UGT1A5: variants seen among roughly 807,000 people sequenced by gnomAD.
UGT1A5 encodes the protein UDP glucuronosyltransferase family 1 member A5.
In UGT1A5, 29 loss-of-function variants were observed where a neutral mutation model predicts 40.3. That is an observed-to-expected ratio of 0.72 (90% CI 0.54 to 0.98). The LOEUF is 0.98. UGT1A5 is among the 50% of genes least tolerant of loss of function. The pLI is 0.00. For missense variants in UGT1A5, 678 were observed against 677.9 expected (o/e 1.00, Z 0.00); for synonymous variants, 257 against 262.5 (o/e 0.98, Z 0.20).
Position 233,713,506 on chromosome 2 carries a change from T to C in UGT1A5, c.515T>C (p.Phe172Ser). 1 of 1,613,972 alleles carries C rather than the reference T, an allele frequency of 6.2e-7. No individual in the cohort carries two copies. The highest frequency in any genetic ancestry group is 8.5e-7 in the Non-Finnish European group (1 of 1,179,886). The change falls in exon 1 of 5, where the codon TTC becomes TCC. Residue 172 changes from phenylalanine to serine, a missense_variant. Physicochemically the swap from Phe to Ser is radical, Grantham distance 155. Coordinates refer to ENST00000373414, the MANE Select transcript of UGT1A5 (RefSeq NM_019078.2). ...AKYLSIPAVF[F>S]LRNIPCDLDF... Reference sequence around the variant, plus strand: ...TACCTGTCGATTCCTGCTGTGTTTTTCTTGAGGAACATTCCATGTGATTTA... The same window carrying C: ...TACCTGTCGATTCCTGCTGTGTTTTCCTTGAGGAACATTCCATGTGATTTA...
intron 1 of UGT1A5, chr2:233,747,984 C>G: frequency 6.2e-7 from 1 of 1,613,422 alleles, no homozygotes; most frequent in South Asian, 1.1e-5. Context: ...GTGGCTGTTC[C>G]GAGGGGACTT....
chr2:233,721,853 G>A, intron 1 of UGT1A5: 2 of 512,954 alleles, frequency 3.9e-6, no homozygotes, highest in South Asian at 2.8e-5. Flanking sequence ...CAGCCCCACT[G>A]CTCGGCCCTG....
Position 233,769,302 on chromosome 2 carries a change from T to C in UGT1A5, c.1307+863T>C, listed in dbSNP as rs139674601. 9.5e-4 allele frequency among the ~76,000 whole-genome samples: 145 copies of C among 152,348 alleles called. No homozygotes were observed. The highest frequency in any genetic ancestry group is 3.0e-3 in the African/African-American group (125 of 41,572). Reference sequence around the variant, plus strand: ...TGATTTCTGGATTAAAGTTAGTATATTACTGTCAAGCTCACTGGTAATAGG... The same window carrying C: ...TGATTTCTGGATTAAAGTTAGTATACTACTGTCAAGCTCACTGGTAATAGG... On this transcript the variant is annotated intron_variant, in intron 4 of 4. Transcript: ENST00000373414. This position sits in a 1 kb window ranked among gnomAD's most constrained non-coding sequence, Gnocchi z 4.4.
At chr2:233,753,157 T>C (rs1695143636) in intron 1 of UGT1A5, 2 of 152,228 alleles carry the variant, frequency 1.3e-5, no homozygotes, top group African/African-American at 2.4e-5. Context: ...TAAGTTCCCT[T>C]ATCCGGATCA....
At chr2:233,738,344 C>T (rs187057968) in intron 1 of UGT1A5, among the ~76,000 whole-genome samples, 43 of 152,222 alleles carry the variant, frequency 2.8e-4, no homozygotes, top group African/African-American at 1.0e-3. Flanking sequence ...AAATTGGTGT[C>T]ATGGAGAGTG....
chr2:233,712,949 A>C lies in UGT1A5; in HGVS notation c.-43A>C. The C allele has an allele frequency of 6.2e-7, 1 of 1,612,750 alleles. No individual in the cohort carries two copies. Reference sequence around the variant, plus strand: ...GACGAAGGAAACAATTCTAGGAGGCACAACGTGGGGTGGACAGTCAGCTGT... The same window carrying C: ...GACGAAGGAAACAATTCTAGGAGGCCCAACGTGGGGTGGACAGTCAGCTGT... On this transcript the variant is annotated 5_prime_UTR_variant, in exon 1 of 5. Coordinates refer to ENST00000373414, the MANE Select transcript of UGT1A5 (RefSeq NM_019078.2).
chr2:233,718,752 A>G (rs2076680847), intron 1 of UGT1A5: 6 of 1,612,234 alleles, frequency 3.7e-6, no homozygotes, highest in Non-Finnish European at 5.1e-6. Context: ...AAGGTAATTA[A>G]GGCGAAGGAA....
In UGT1A5 at chr2:233,769,970, G is replaced by A. The variant is rs1018671340; in HGVS notation, c.1307+1531G>A. On this transcript the variant is annotated intron_variant, in intron 4 of 4. Coordinates refer to ENST00000373414, the MANE Select transcript of UGT1A5 (RefSeq NM_019078.2). The surrounding 1 kb of genome is among the most constrained non-coding windows in gnomAD (Gnocchi z 4.4). ...AGCGGCTTCTTCTGGCCACCTCAAT[G>A]TCAGGATGTCCTGCTCACATATCAA... 2.9e-5 allele frequency: 6 copies of A among 208,668 alleles called. No individual in the cohort carries two copies. The highest frequency in any genetic ancestry group is 2.2e-4 in the South Asian group (2 of 9,026). The allele number at this position is 208,668 out of a possible 1,614,324, so 12.9% of individuals were successfully genotyped here.
chr2:233,769,811 T>C lies in UGT1A5; in HGVS notation c.1307+1372T>C. 9.8e-7 allele frequency: 1 copy of C among 1,015,422 alleles called. No individual in the cohort carries two copies. The highest frequency in any genetic ancestry group is 2.2e-5 in the South Asian group (1 of 46,182). The allele number at this position is 1,015,422 out of a possible 1,614,324, so 62.9% of individuals were successfully genotyped here. A position where few individuals can be genotyped will look rare whatever the true frequency, so the allele number is the denominator to read the frequency against. On this transcript the variant is annotated intron_variant, in intron 4 of 4. Transcript: ENST00000373414. This position sits in a 1 kb window ranked among gnomAD's most constrained non-coding sequence, Gnocchi z 4.4. ...TGGAGGCTGCTATGAGCCGTGATCA[T>C]GCCACTGCACTCCAGCAACCTGGGC...
chr2:233,743,499 G>A (rs1692319680), intron 1 of UGT1A5: 1 of 1,367,148 alleles, frequency 7.3e-7, no homozygotes, highest in African/African-American at 1.5e-5. Context: ...CAGAGAAAAG[G>A]GGTGCAGACG....
At chr2:233,743,056 A>G (rs955838724) in intron 1 of UGT1A5, 3 of 325,656 alleles carry the variant, frequency 9.2e-6, no homozygotes, top group African/African-American at 6.5e-5. Context: ...AGTCCCAACG[A>G]TAAGAACAGG....
chr2:233,772,849 C>T lies in UGT1A5; in HGVS notation c.*290C>T, dbSNP rs1021003584. The T allele has an allele frequency of 7.7e-6, 6 of 777,596 alleles. No individual in the cohort carries two copies. In the African/African-American group the frequency reaches 8.9e-5, roughly 11 times the overall value. 48.2% of individuals were successfully genotyped at this position (777,596 alleles called of 1,614,324 possible). On this transcript the variant is annotated 3_prime_UTR_variant, in exon 5 of 5. Transcript: ENST00000373414. ...CTGGCATTCTAGATTACTTTTCTTACTCTGAAACATGGCCTGTTTGGGAGT... is the reference window on the plus strand; with the variant it reads ...CTGGCATTCTAGATTACTTTTCTTATTCTGAAACATGGCCTGTTTGGGAGT...
intron 1 of UGT1A5, chr2:233,719,336 T>C (rs765059694): frequency 5.0e-6 from 8 of 1,613,838 alleles, no homozygotes; most frequent in South Asian, 2.2e-5. Context: ...CTGTGTTTTT[T>C]TGGAGGTACA....
rs1700541312 is a variant in UGT1A5 at position 233,772,678 on chromosome 2, A to T, written c.*119A>T. On this transcript the variant is annotated 3_prime_UTR_variant, in exon 5 of 5. Transcript: ENST00000373414. ...TTAAGGAAATACTTTGCATAAATTA[A>T]TCAGCCCCAGAGTGCTTTAAAAAAT... The T allele has an allele frequency of 6.5e-7, 1 of 1,531,784 alleles. No homozygotes were observed. The highest frequency in any genetic ancestry group is 1.4e-5 in the African/African-American group (1 of 72,498). 94.9% of individuals were successfully genotyped at this position (1,531,784 alleles called of 1,614,324 possible).
intron 1 of UGT1A5, chr2:233,743,951 A>T: frequency 7.4e-7 from 1 of 1,344,342 alleles, no homozygotes; most frequent in Non-Finnish European, 9.9e-7. Flanking sequence ...AGGCACTGGC[A>T]CAGCGAGCGG....
At chr2:233,747,242 T>C (rs985835805) in intron 1 of UGT1A5, 31 of 1,603,322 alleles carry the variant, frequency 1.9e-5, no homozygotes, top group African/African-American at 5.4e-5. Flanking sequence ...GTTCCCCTGC[T>C]GTGGCTGGCC....
intron 1 of UGT1A5, chr2:233,747,353 C>T (rs1297550032): frequency 5.6e-6 from 9 of 1,602,858 alleles, no homozygotes; most frequent in East Asian, 2.2e-5. Context: ...TGCGGGAGGC[C>T]GTGCGGGAGC....
chr2:233,744,522 T>A (rs1292521723), intron 1 of UGT1A5, among the ~76,000 whole-genome samples: 2 of 151,918 alleles, frequency 1.3e-5, no homozygotes, highest in Non-Finnish European at 2.9e-5. Context: ...CAATAGCAAA[T>A]CTTATTTTTA....
chr2:233,747,343 T>A (rs1575682738), intron 1 of UGT1A5: 1 of 1,603,348 alleles, frequency 6.2e-7, no homozygotes, highest in East Asian at 2.2e-5. Flanking sequence ...CTGGCTCGCA[T>A]GCGGGAGGCC....
Sources: allele counts gnomAD v4.1 joint callset (sites outside exome capture counted in the v4.1 genomes callset), GRCh38; gene constraint gnomAD v4.1.1; non-coding constraint Gnocchi (gnomAD v3.1); transcripts MANE v1.5; gene names NCBI Gene and HGNC (gene_info 2026-07-23, HGNC 2026-07-21).